TAF1: variants seen among roughly 807,000 people sequenced by gnomAD.
The protein encoded by TAF1 is transcription initiation factor TFIID subunit 1.
A neutral mutation model predicts 138.5 loss-of-function variants in TAF1; 2 were observed. The ratio of observed to expected loss-of-function variants is 0.01; its 90% CI spans 0.01 to 0.05. The LOEUF is 0.05. TAF1 is among the 10% of genes least tolerant of loss of function. TAF1 has a pLI of 1.00. For missense variants in TAF1, 709 were observed against 1,478.0 expected, an observed-to-expected ratio of 0.48 and a Z score of 8.53; for synonymous variants, 437 against 503.2, an observed-to-expected ratio of 0.87 and a Z score of 1.76.
In TAF1 at chrX:71,454,308, A is replaced by T. The variant is rs184832117; in HGVS notation, c.4821+71A>T. The T allele has an allele frequency of 1.5e-3, 1,448 of 970,806 alleles. 2 individuals are homozygous for T. Among genetic ancestry groups the T allele is most frequent in the Non-Finnish European group, 1.7e-3 (1,206 of 693,328 alleles). 80.0% of individuals were successfully genotyped at this position (970,806 alleles called of 1,213,427 possible). On this transcript the variant is annotated intron_variant, in intron 33 of 37. Transcript: ENST00000423759. ...ACCCCATCTTTACAAAAAAAGATTT[A>T]AAAATTAGTGGGGTCTGGTGGTACA... is the stretch of plus-strand genomic sequence containing the variant.
At chrX:71,438,115 G>A (rs1461991415) in intron 32 of TAF1, among the ~76,000 whole-genome samples, 2 of 110,865 alleles carry the variant, frequency 1.8e-5, no homozygotes, top group East Asian at 5.7e-4. Flanking sequence ...GGGATTACAG[G>A]TATGAGCCAT....
At chrX:71,429,377 A>G (rs1190095593) in intron 32 of TAF1, among the ~76,000 whole-genome samples, 1 of 111,539 alleles carries the variant, frequency 9.0e-6, no homozygotes, top group Non-Finnish European at 1.9e-5. Context: ...TTGAGCACCT[A>G]CTGTGCCAAG....
At chrX:71,401,761 G>A (rs2035184959) in intron 25 of TAF1, 22 bp downstream of exon 25, 1 of 1,192,415 alleles carries the variant, frequency 8.4e-7, no homozygotes, top group South Asian at 1.8e-5. Context: ...CAGGCAGGAA[G>A]TGCTATGGGA....
chrX:71,375,855 C>G (rs1227216709), intron 4 of TAF1, among the ~76,000 whole-genome samples: 1 of 112,427 alleles, frequency 8.9e-6, no homozygotes, highest in Non-Finnish European at 1.9e-5. Context: ...CTGCCGAACC[C>G]GGGAATCTTA....
chrX:71,445,342 A>G (rs2037643872), intron 32 of TAF1, among the ~76,000 whole-genome samples: 1 of 108,484 alleles, frequency 9.2e-6, no homozygotes, highest in African/African-American at 3.5e-5. Flanking sequence ...CAGATCACAA[A>G]GGTTTTCTCT....
rs1185115597 is a variant in TAF1, at chrX:71,459,537, A to G, written c.5065-15A>G. 2.5e-6 allele frequency: 3 copies of G among 1,209,472 alleles called. No homozygotes were observed. The highest frequency in any genetic ancestry group is 1.1e-6 in the Non-Finnish European group (1 of 894,658). On this transcript the variant is annotated splice_polypyrimidine_tract_variant and intron_variant, in intron 35 of 37. Coordinates refer to ENST00000423759, the MANE Select transcript of TAF1 (RefSeq NM_004606.5). ...TCAGTTGATAGGACTTTGACCCCCAACTGGTCTCATTCAGGAAGGTGAAGA... is the reference window on the plus strand; with the variant it reads ...TCAGTTGATAGGACTTTGACCCCCAGCTGGTCTCATTCAGGAAGGTGAAGA...
chrX:71,528,042 A>T, intron 13 of TAF1: 1 of 190,931 alleles, frequency 5.2e-6, no homozygotes, highest in Non-Finnish European at 1.0e-5. Flanking sequence ...CCCTGGTTGA[A>T]TGTTCAATTA....
chrX:71,366,508 CGTGGGGGTAGGGCT>C lies in TAF1; in HGVS notation c.120+15_120+28del. ...GTCTTGGATGATGTGAGGGGGTGGG[CGTGGGGGTAGGGCT>C]CGGGGGGTGGGGCTAAGCAGAGGAA... is the stretch of plus-strand genomic sequence containing the variant. On this transcript the variant is annotated intron_variant, in intron 1 of 37. Coordinates refer to ENST00000423759, the MANE Select transcript of TAF1 (RefSeq NM_004606.5). 1 of 149,798 alleles carries C rather than the reference CGTGGGGGTAGGGCT, an allele frequency of 6.7e-6. No homozygotes were observed. Among genetic ancestry groups the C allele is most frequent in the Non-Finnish European group, 9.2e-6 (1 of 108,315 alleles). 12.3% of individuals were successfully genotyped at this position (149,798 alleles called of 1,213,427 possible).
chrX:71,383,044 G>T lies in TAF1; in HGVS notation c.1827G>T (p.Gly609=), dbSNP rs2033992163. The T allele has an allele frequency of 8.3e-7, 1 of 1,208,854 alleles. No individual in the cohort carries two copies. The highest frequency in any genetic ancestry group is 1.8e-5 in the African/African-American group (1 of 56,892). ...LRQPFFPTHM[G]PIKLRQFHRP... ...AGCCCTTCTTTCCCACCCACATGGG[G>T]CCCATCAAACTCCGGCAGTTCCATC... Residue 609 remains glycine (G), a synonymous_variant, in exon 12 of 38, where the codon GGG becomes GGT. Coordinates refer to ENST00000423759, the MANE Select transcript of TAF1 (RefSeq NM_004606.5).
At chrX:71,497,778 T>C (rs1028957473) in intron 13 of TAF1, among the ~76,000 whole-genome samples, 2 of 111,429 alleles carry the variant, frequency 1.8e-5, no homozygotes, top group African/African-American at 6.5e-5. Context: ...GCCTTCTGGG[T>C]CTCCTTGATT....
At chrX:71,503,293 T>C (rs2039547975) in intron 13 of TAF1, among the ~76,000 whole-genome samples, 1 of 92,863 alleles carries the variant, frequency 1.1e-5, no homozygotes. Context: ...TATATATATA[T>C]ATGTGTATAT....
intron 37 of TAF1, among the ~76,000 whole-genome samples, chrX:71,462,974 TA>T (rs779279086): frequency 8.9e-6 from 1 of 111,929 alleles, no homozygotes; most frequent in Non-Finnish European, 1.9e-5. Flanking sequence ...GAGAGACTGT[TA>T]AGTCATGTTA....
chrX:71,431,597 T>C (rs775495710), intron 32 of TAF1, among the ~76,000 whole-genome samples: 30 of 110,669 alleles, frequency 2.7e-4, no homozygotes, highest in Non-Finnish European at 5.1e-4. Flanking sequence ...GGGATAAGAA[T>C]AGACCTGACA....
intron 13 of TAF1, among the ~76,000 whole-genome samples, chrX:71,520,305 G>A (rs984341447): frequency 7.3e-5 from 8 of 108,906 alleles, no homozygotes; most frequent in Admixed American, 3.0e-4. Context: ...CACCATGCCC[G>A]GCTAATTTTT....
In TAF1 at chrX:71,453,072, C is replaced by T. The variant is rs921152076; in HGVS notation, c.4754-1098C>T. The stretch of plus-strand genomic sequence containing the variant: ...CGTGGAAAGAGAGGGAGAGGGAGAC[C>T]GTGGGGAGACGGGAGAGAGAGAGGG... On this transcript the variant is annotated intron_variant, in intron 32 of 37. Coordinates refer to ENST00000423759, the MANE Select transcript of TAF1 (RefSeq NM_004606.5). Among the ~76,000 whole-genome samples the T allele has an allele frequency of 8.0e-4, 87 of 109,149 alleles. No homozygotes were observed. The Middle Eastern group carries it at 0.014, about 17-fold the overall frequency. 94.8% of individuals were successfully genotyped at this position (109,149 alleles called of 115,157 possible).
chrX:71,408,424 C>A (rs1435720889), intron 28 of TAF1, among the ~76,000 whole-genome samples: 1 of 110,880 alleles, frequency 9.0e-6, no homozygotes, highest in Non-Finnish European at 1.9e-5. Context: ...TCAAGCGATT[C>A]TCCTGCCTCA....
intron 26 of TAF1, among the ~76,000 whole-genome samples, chrX:71,407,313 G>A (rs751654961): frequency 1.9e-5 from 2 of 106,019 alleles, no homozygotes; most frequent in East Asian, 5.9e-4. Flanking sequence ...TGCCTCCCAG[G>A]TTCAAGTGAT....
chrX:71,427,348 A>G (rs1276669990), intron 32 of TAF1, among the ~76,000 whole-genome samples: 1 of 111,757 alleles, frequency 8.9e-6, no homozygotes, highest in Non-Finnish European at 1.9e-5. Flanking sequence ...TTATTGTTTT[A>G]TGAAAACACC....
intron 14 of TAF1, among the ~76,000 whole-genome samples, chrX:71,385,717 T>G (rs2034175426): frequency 8.9e-6 from 1 of 111,991 alleles, no homozygotes; most frequent in Non-Finnish European, 1.9e-5. Context: ...AAAGCTCAGT[T>G]TTTTTCTTTA....
Sources: allele counts gnomAD v4.1 joint callset (sites outside exome capture counted in the v4.1 genomes callset), GRCh38; gene constraint gnomAD v4.1.1; transcripts MANE v1.5; gene names NCBI Gene and HGNC (gene_info 2026-07-23, HGNC 2026-07-21).